Variants in FSTL5 observed in about 807,000 individuals in gnomAD.
FSTL5 encodes follistatin-related protein 5.
In FSTL5, 62 loss-of-function variants were observed where a neutral mutation model predicts 89.1. The observed-to-expected ratio is 0.70, with a 90% CI of 0.57 to 0.86. The LOEUF is 0.86. Among genes scored for constraint, FSTL5 ranks in the 40% least tolerant of loss-of-function variants. FSTL5 has a pLI of 0.00. For synonymous variants in FSTL5, 383 were observed against 346.2 expected (o/e 1.11, Z -1.18); for missense variants, 1,057 against 1,001.6 (o/e 1.06, Z -0.75).
chr4:161,801,051 G>T (rs1027228923), intron 4 of FSTL5, among the ~76,000 whole-genome samples: 1 of 151,510 alleles, frequency 6.6e-6, no homozygotes, highest in African/African-American at 2.4e-5. Flanking sequence ...GCAGCTTAGA[G>T]GTTAGTATTA....
intron 15 of FSTL5, among the ~76,000 whole-genome samples, chr4:161,433,300 C>A (rs1418556597): frequency 6.6e-6 from 1 of 151,714 alleles, no homozygotes; most frequent in Non-Finnish European, 1.5e-5. Context: ...GAATAAAGGA[C>A]AAAAATTATA....
At chr4:161,704,555 G>T (rs542294590) in intron 6 of FSTL5, among the ~76,000 whole-genome samples, 35 of 152,180 alleles carry the variant, frequency 2.3e-4, no homozygotes, top group African/African-American at 7.9e-4. Context: ...TCACAAACAA[G>T]GGACCACCTT....
intron 2 of FSTL5, among the ~76,000 whole-genome samples, chr4:162,100,431 A>C (rs1473865033): frequency 6.6e-6 from 1 of 152,108 alleles, no homozygotes; most frequent in African/African-American, 2.4e-5. Context: ...GTGGTGAGGA[A>C]ATTCCAATGC....
At chr4:162,110,833 C>T (rs1180795899) in intron 2 of FSTL5, among the ~76,000 whole-genome samples, 2 of 151,674 alleles carry the variant, frequency 1.3e-5, no homozygotes, top group African/African-American at 4.8e-5. Context: ...GAAAGAAATC[C>T]TTTGCTAACC....
intron 12 of FSTL5, among the ~76,000 whole-genome samples, chr4:161,497,464 A>G (rs1431623136): frequency 6.6e-6 from 1 of 152,076 alleles, no homozygotes; most frequent in Admixed American, 6.6e-5. Context: ...GCTGTATTTT[A>G]ATTTCAACAT....
At chr4:161,434,337 A>G (rs897777594) in intron 15 of FSTL5, among the ~76,000 whole-genome samples, 2 of 152,128 alleles carry the variant, frequency 1.3e-5, no homozygotes, top group African/African-American at 4.8e-5. Context: ...TGGTTCTGGG[A>G]AAAACTGGAT....
chr4:161,997,963 T>C (rs1026727625), intron 3 of FSTL5, among the ~76,000 whole-genome samples: 3 of 152,174 alleles, frequency 2.0e-5, no homozygotes, highest in South Asian at 2.1e-4. Context: ...GGATGGATTA[T>C]AATGTCTGTA....
At chr4:161,785,555 T>C (rs1741874222) in intron 4 of FSTL5, among the ~76,000 whole-genome samples, 1 of 152,158 alleles carries the variant, frequency 6.6e-6, no homozygotes, top group Non-Finnish European at 1.5e-5. Flanking sequence ...CAAATGATGA[T>C]ACAATTACAA....
At chr4:161,555,128 C>T (rs542367289) in intron 8 of FSTL5, among the ~76,000 whole-genome samples, 2 of 151,652 alleles carry the variant, frequency 1.3e-5, no homozygotes, top group African/African-American at 4.8e-5. Context: ...TTCTTAGGGT[C>T]ATAAACTTCG....
At chr4:161,839,140 C>T (rs1010909217) in intron 4 of FSTL5, among the ~76,000 whole-genome samples, 1 of 151,108 alleles carries the variant, frequency 6.6e-6, no homozygotes, top group Admixed American at 6.6e-5. Flanking sequence ...TTTTATTTTC[C>T]GATGCTAGAA....
Position 161,542,596 on chromosome 4 carries a change from C to T in FSTL5, c.1113G>A (p.Gln371=), listed in dbSNP as rs1313781430. Residue 371 remains glutamine (Q), a synonymous_variant, in exon 9 of 16, where the codon CAG becomes CAA. Coordinates refer to ENST00000306100, the MANE Select transcript of FSTL5 (RefSeq NM_020116.5). Reference sequence around the variant, plus strand: ...CAATTCCATTCTTCAACCAGCCAAGCTGAGGCTTTGGTATGCCCTCTGCAT... The same window carrying T: ...CAATTCCATTCTTCAACCAGCCAAGTTGAGGCTTTGGTATGCCCTCTGCAT... The part of the protein sequence containing the change: ...RCHAEGIPKP[Q]LGWLKNGIDI... 3 of 1,570,264 alleles carry T rather than the reference C, an allele frequency of 1.9e-6. No individual in the cohort carries two copies. Among genetic ancestry groups the T allele is most frequent in the Non-Finnish European group, 2.6e-6 (3 of 1,155,336 alleles).
intron 4 of FSTL5, among the ~76,000 whole-genome samples, chr4:161,817,647 GTT>G (rs1326716769): frequency 1.3e-5 from 2 of 152,052 alleles, no homozygotes; most frequent in East Asian, 3.9e-4. Context: ...CAATTTTTAA[GTT>G]TTACAGAGAT....
chr4:162,085,717 A>G (rs1213114676), intron 2 of FSTL5, among the ~76,000 whole-genome samples: 3 of 152,124 alleles, frequency 2.0e-5, no homozygotes, highest in Non-Finnish European at 2.9e-5. Flanking sequence ...TGGGACACCC[A>G]CAATTCATTT....
intron 7 of FSTL5, among the ~76,000 whole-genome samples, chr4:161,640,287 G>T (rs1578987926): frequency 1.3e-5 from 2 of 152,136 alleles, no homozygotes; most frequent in African/African-American, 4.8e-5. Flanking sequence ...AAATGGGAAA[G>T]CCTGGCCCAT....
intron 4 of FSTL5, among the ~76,000 whole-genome samples, chr4:161,920,053 G>T (rs1189806203): frequency 6.6e-6 from 1 of 152,148 alleles, no homozygotes; most frequent in East Asian, 1.9e-4. Flanking sequence ...GCACTCACTA[G>T]TCCCTCAATT....
chr4:161,457,136 C>T (rs1021641932), intron 14 of FSTL5, among the ~76,000 whole-genome samples: 5 of 152,090 alleles, frequency 3.3e-5, no homozygotes, highest in Non-Finnish European at 5.9e-5. Context: ...ATTCTCTGAT[C>T]CAGAGATCTT....
chr4:161,894,783 G>A (rs1053417823), intron 4 of FSTL5, among the ~76,000 whole-genome samples: 2 of 152,118 alleles, frequency 1.3e-5, no homozygotes, highest in African/African-American at 4.8e-5. Flanking sequence ...ATGTTTTTAT[G>A]GAGACATATA....
intron 6 of FSTL5, among the ~76,000 whole-genome samples, chr4:161,749,778 C>G (rs907248054): frequency 6.7e-6 from 1 of 149,592 alleles, no homozygotes; most frequent in African/African-American, 2.5e-5. Context: ...GGCGACAGAG[C>G]GAGACTCCGT....
intron 12 of FSTL5, among the ~76,000 whole-genome samples, chr4:161,491,235 C>A (rs908393572): frequency 4.6e-5 from 7 of 151,670 alleles, no homozygotes; most frequent in South Asian, 2.1e-4. Flanking sequence ...CAAGGTCCAC[C>A]GTTAGAAATA....
Sources: allele counts gnomAD v4.1 joint callset (sites outside exome capture counted in the v4.1 genomes callset), GRCh38; gene constraint gnomAD v4.1.1; transcripts MANE v1.5; gene names NCBI Gene and HGNC (gene_info 2026-07-23, HGNC 2026-07-21).